The following ERICH6B variants were observed in gnomAD, a reference collection of about 807,000 sequenced individuals.
ERICH6B encodes glutamate rich 6B.
In ERICH6B, 69 loss-of-function variants were observed where a neutral mutation model predicts 80.0. That is an observed-to-expected ratio of 0.86 (90% confidence interval 0.71 to 1.05). ERICH6B has a LOEUF of 1.05. Ranked by LOEUF, ERICH6B falls within the 50% of genes least tolerant of loss-of-function variation. ERICH6B has a pLI of 0.00. For missense variants in ERICH6B, 754 were observed against 796.1 expected (o/e 0.95, Z 0.64); for synonymous variants, 283 against 291.9 (o/e 0.97, Z 0.31).
intron 9 of ERICH6B, among the ~76,000 whole-genome samples, chr13:45,566,930 T>G (rs1466221374): frequency 6.6e-6 from 1 of 152,200 alleles, no homozygotes; most frequent in African/African-American, 2.4e-5. Context: ...CATGAAAGCA[T>G]CTGGGAGGGA....
chr13:45,604,971 A>G (rs890259212), intron 2 of ERICH6B, among the ~76,000 whole-genome samples: 1 of 152,174 alleles, frequency 6.6e-6, no homozygotes, highest in Non-Finnish European at 1.5e-5. Context: ...AGCTCTTTCT[A>G]CAGGCTGCTG....
intron 7 of ERICH6B, among the ~76,000 whole-genome samples, chr13:45,577,429 G>A (rs578183246): frequency 7.2e-5 from 11 of 151,866 alleles, no homozygotes; most frequent in Admixed American, 2.0e-4. Flanking sequence ...GATTACAGGC[G>A]TGTGCCACCA....
Position 45,568,310 on chromosome 13 carries a change from C to T in ERICH6B, c.1187+5G>A, listed in dbSNP as rs1347364142. On this transcript the variant is annotated splice_donor_5th_base_variant and intron_variant, in intron 9 of 14. Coordinates refer to ENST00000298738, the MANE Select transcript of ERICH6B (RefSeq NM_182542.3). ...ACCAATCACTTGGCCTCACCAGTTA[C>T]TTACATAATTACCAGTTTCCATCTG... 1.3e-6 allele frequency: 2 copies of T among 1,538,684 alleles called. No homozygotes were observed. Among genetic ancestry groups the T allele is most frequent in the South Asian group, 1.2e-5 (1 of 80,700 alleles).
chr13:45,593,394 G>A (rs1278784627), intron 3 of ERICH6B, among the ~76,000 whole-genome samples: 1 of 152,038 alleles, frequency 6.6e-6, no homozygotes, highest in Non-Finnish European at 1.5e-5. Context: ...CAATGGCAAG[G>A]GAATAATAAT....
chr13:45,571,369 C>A (rs550420712), intron 8 of ERICH6B, among the ~76,000 whole-genome samples: 15 of 152,212 alleles, frequency 9.9e-5, no homozygotes, highest in African/African-American at 3.4e-4. Context: ...TTCCCTCCAA[C>A]CATTTTTTTT....
At chr13:45,544,301 C>T (rs1275233618) in intron 14 of ERICH6B, among the ~76,000 whole-genome samples, 4 of 152,196 alleles carry the variant, frequency 2.6e-5, no homozygotes, top group Admixed American at 6.5e-5. Flanking sequence ...TCTCGAACTC[C>T]TGGCGCTAAG....
chr13:45,574,764 G>T, intron 8 of ERICH6B, 78 bp downstream of exon 8: 1 of 1,135,254 alleles, frequency 8.8e-7, no homozygotes, highest in Non-Finnish European at 1.3e-6. Context: ...ACCTCAGCCA[G>T]CTTGCCTGGG....
chr13:45,591,722 A>C (rs372666510), intron 3 of ERICH6B, among the ~76,000 whole-genome samples: 1 of 152,270 alleles, frequency 6.6e-6, no homozygotes, highest in Non-Finnish European at 1.5e-5. Context: ...TGTTTAAAAC[A>C]GTAAAAACCA....
At chr13:45,546,155 G>T (rs985882073) in intron 13 of ERICH6B, among the ~76,000 whole-genome samples, 8 of 152,168 alleles carry the variant, frequency 5.3e-5, no homozygotes, top group Admixed American at 2.0e-4. Flanking sequence ...AGGGTGGATG[G>T]ATTTCTCTCT....
At chr13:45,595,473 T>G (rs890206202) in intron 3 of ERICH6B, among the ~76,000 whole-genome samples, 1 of 151,840 alleles carries the variant, frequency 6.6e-6, no homozygotes, top group Non-Finnish European at 1.5e-5. Context: ...TAAAGCATGA[T>G]CCTTTTATAA....
At chr13:45,548,106 G>C (rs562485242) in intron 13 of ERICH6B, among the ~76,000 whole-genome samples, 1 of 152,342 alleles carries the variant, frequency 6.6e-6, no homozygotes, top group Admixed American at 6.5e-5. Flanking sequence ...CCTGGCCTGA[G>C]ACCCCTTGGG....
chr13:45,545,404 C>T (rs1873954923), intron 13 of ERICH6B, among the ~76,000 whole-genome samples: 1 of 152,182 alleles, frequency 6.6e-6, no homozygotes, highest in Non-Finnish European at 1.5e-5. Flanking sequence ...TGGTTTCCTT[C>T]ATATAATTTA....
chr13:45,586,631 C>T (rs922742110), intron 5 of ERICH6B, among the ~76,000 whole-genome samples: 1 of 152,192 alleles, frequency 6.6e-6, no homozygotes, highest in East Asian at 1.9e-4. Context: ...GAGGTGGGCC[C>T]ATGTCCCATT....
intron 11 of ERICH6B, among the ~76,000 whole-genome samples, chr13:45,560,947 T>A (rs1874646776): frequency 6.6e-6 from 1 of 152,202 alleles, no homozygotes; most frequent in Non-Finnish European, 1.5e-5. Flanking sequence ...GGTCTTGCTA[T>A]GTTGCCTAGG....
At chr13:45,577,263 A>G (rs1481298079) in intron 7 of ERICH6B, among the ~76,000 whole-genome samples, 2 of 137,094 alleles carry the variant, frequency 1.5e-5, no homozygotes, top group Non-Finnish European at 3.2e-5. Flanking sequence ...TCCTGGACTG[A>G]TTAAAAACAA....
intron 7 of ERICH6B, among the ~76,000 whole-genome samples, chr13:45,577,172 C>G (rs968634735): frequency 4.3e-4 from 66 of 151,948 alleles, no homozygotes; most frequent in African/African-American, 1.6e-3. Flanking sequence ...CAATAAGACT[C>G]ATCCTGAGGG....
chr13:45,576,213 G>A (rs904043716), intron 7 of ERICH6B, among the ~76,000 whole-genome samples: 3 of 152,158 alleles, frequency 2.0e-5, no homozygotes, highest in South Asian at 2.1e-4. Flanking sequence ...CACTGTCCTG[G>A]GGCCTCTCTA....
chr13:45,570,155 G>A (rs912973826), intron 8 of ERICH6B, among the ~76,000 whole-genome samples: 1 of 152,170 alleles, frequency 6.6e-6, no homozygotes, highest in Admixed American at 6.5e-5. Context: ...CCTACAGAGT[G>A]GAACTATCCC....
chr13:45,608,621 C>T (rs1949882585), intron 1 of ERICH6B, among the ~76,000 whole-genome samples: 1 of 152,144 alleles, frequency 6.6e-6, no homozygotes, highest in Non-Finnish European at 1.5e-5. Flanking sequence ...GAGAGTGTCT[C>T]CACTAAGAAC....
Sources: allele counts gnomAD v4.1 joint callset (sites outside exome capture counted in the v4.1 genomes callset), GRCh38; gene constraint gnomAD v4.1.1; transcripts MANE v1.5; gene names NCBI Gene and HGNC (gene_info 2026-07-23, HGNC 2026-07-21).